The following TNFSF13B variants were observed in gnomAD, a reference collection of about 807,000 sequenced individuals.
TNFSF13B encodes the protein TNF superfamily member 13b, also known as tumor necrosis factor ligand superfamily member 13B.
A neutral mutation model predicts 29.1 loss-of-function variants in TNFSF13B; 8 were observed. The ratio of observed to expected loss-of-function variants is 0.27; its 90% CI spans 0.16 to 0.50. TNFSF13B has a LOEUF of 0.50. TNFSF13B is among the 20% of genes least tolerant of loss of function. TNFSF13B has a pLI of 0.98. For missense variants in TNFSF13B, 248 were observed against 334.9 expected (o/e 0.74, Z 2.03); for synonymous variants, 125 against 130.8 (o/e 0.96, Z 0.30).
intron 2 of TNFSF13B, 41 bp downstream of exon 2, chr13:108,270,465 G>C: frequency 6.4e-7 from 1 of 1,572,742 alleles, no homozygotes; most frequent in Non-Finnish European, 8.8e-7. Context: ...TCAGGGATTA[G>C]AGAATAACAT....
intron 2 of TNFSF13B, among the ~76,000 whole-genome samples, chr13:108,284,100 T>A (rs58030029): frequency 6.6e-6 from 1 of 151,968 alleles, no homozygotes; most frequent in Non-Finnish European, 1.5e-5. Context: ...GGAGGCGAGG[T>A]GGGCGGTTCA....
At chr13:108,282,612 G>A (rs1272517683) in intron 2 of TNFSF13B, among the ~76,000 whole-genome samples, 1 of 151,730 alleles carries the variant, frequency 6.6e-6, no homozygotes, top group African/African-American at 2.4e-5. Flanking sequence ...TTCTTATTTT[G>A]GTAATTTTAT....
At chr13:108,278,907 C>T (rs1880852780) in intron 2 of TNFSF13B, among the ~76,000 whole-genome samples, 1 of 152,118 alleles carries the variant, frequency 6.6e-6, no homozygotes, top group Non-Finnish European at 1.5e-5. Flanking sequence ...TGCACAACTA[C>T]TTACTTTAAA....
intron 2 of TNFSF13B, among the ~76,000 whole-genome samples, chr13:108,282,994 A>G (rs528163788): frequency 2.0e-5 from 3 of 152,344 alleles, no homozygotes; most frequent in African/African-American, 7.2e-5. Flanking sequence ...TGTTTCTTAT[A>G]TTAAACTACG....
intron 3 of TNFSF13B, among the ~76,000 whole-genome samples, chr13:108,292,813 A>G (rs367797456): frequency 6.6e-6 from 1 of 152,220 alleles, no homozygotes; most frequent in Non-Finnish European, 1.5e-5. Flanking sequence ...CTTATATATT[A>G]TGGATACAAG....
chr13:108,297,372 C>T lies in TNFSF13B; in HGVS notation c.482-5881C>T, dbSNP rs1881482986. Among the ~76,000 whole-genome samples, 2 of 145,408 alleles carry T rather than the reference C, an allele frequency of 1.4e-5. 1 individual carries two copies. The highest frequency in any genetic ancestry group is 3.1e-5 in the Non-Finnish European group (2 of 65,514). On this transcript the variant is annotated intron_variant, in intron 3 of 5. Transcript: ENST00000375887. ...GCCTCTCTTTCTGCTTTCAAGATCT[C>T]CTCCTTGTCATTATCTTTTAATAGC...
chr13:108,301,965 A>G (rs947398997), intron 3 of TNFSF13B, among the ~76,000 whole-genome samples: 2 of 152,214 alleles, frequency 1.3e-5, no homozygotes, highest in Admixed American at 6.5e-5. Flanking sequence ...GAAAAAGTTT[A>G]AATATGTTTG....
chr13:108,303,575 C>G lies in TNFSF13B; in HGVS notation c.716C>G (p.Thr239Arg), dbSNP rs1351879484. Residue 239 changes from threonine to arginine, a missense_variant, in exon 5 of 6, where the codon ACA becomes AGA. Physicochemically the swap from Thr to Arg is moderately conservative, Grantham distance 71 (BLOSUM62 -1). Around this residue, in one of 2 missense-constraint regions of TNFSF13B, gnomAD observed 62 missense variants for 138.6 expected, o/e 0.45. Coordinates refer to ENST00000375887, the MANE Select transcript of TNFSF13B (RefSeq NM_006573.5). ...CGATGTATTCAAAATATGCCTGAAA[C>G]ACTACCCAATAATTCCTGCTATTCA... ...LFRCIQNMPE[T>R]LPNNSCYSAG... The G allele has an allele frequency of 6.2e-7, 1 of 1,613,324 alleles. No individual in the cohort carries two copies.
chr13:108,295,542 A>C (rs1457436193), intron 3 of TNFSF13B, among the ~76,000 whole-genome samples: 2 of 143,728 alleles, frequency 1.4e-5, no homozygotes, highest in East Asian at 3.9e-4. Context: ...CTTCTTTATT[A>C]TATTATCTGA....
chr13:108,277,963 T>A (rs1047166529), intron 2 of TNFSF13B, among the ~76,000 whole-genome samples: 7 of 152,040 alleles, frequency 4.6e-5, no homozygotes, highest in African/African-American at 1.7e-4. Context: ...GCCCAGTAGG[T>A]CTCAGTTATT....
At chr13:108,291,763 A>T (rs1379439998) in intron 3 of TNFSF13B, among the ~76,000 whole-genome samples, 1 of 152,018 alleles carries the variant, frequency 6.6e-6, no homozygotes, top group African/African-American at 2.4e-5. Context: ...GGTGATATAA[A>T]TCAATTTACA....
At chr13:108,270,553 C>A in intron 2 of TNFSF13B, 129 bp downstream of exon 2, 2 of 906,236 alleles carry the variant, frequency 2.2e-6, no homozygotes, top group Non-Finnish European at 3.4e-6. Flanking sequence ...CCATCCAAAG[C>A]AGACATTGCT....
intron 2 of TNFSF13B, among the ~76,000 whole-genome samples, chr13:108,281,084 TA>T (rs1880940443): frequency 6.6e-6 from 1 of 152,148 alleles, no homozygotes; most frequent in South Asian, 2.1e-4. Context: ...CTGTCTCTAC[TA>T]AAAATACAAA....
chr13:108,292,695 T>C (rs1346198700), intron 3 of TNFSF13B, among the ~76,000 whole-genome samples: 2 of 152,176 alleles, frequency 1.3e-5, no homozygotes, highest in East Asian at 3.8e-4. Flanking sequence ...GTTGAGCATC[T>C]TTTCATGTCC....
intron 2 of TNFSF13B, among the ~76,000 whole-genome samples, chr13:108,282,577 A>G (rs1295774436): frequency 6.6e-6 from 1 of 152,228 alleles, no homozygotes; most frequent in African/African-American, 2.4e-5. Flanking sequence ...ATATTGATCA[A>G]TAGCAAATTA....
At chr13:108,305,551 T>A (rs1301202568) in intron 5 of TNFSF13B, among the ~76,000 whole-genome samples, 1 of 152,154 alleles carries the variant, frequency 6.6e-6, no homozygotes, top group South Asian at 2.1e-4. Context: ...TGTTAGGTCA[T>A]TTCCAATCTC....
At chr13:108,281,341 A>G (rs1880949004) in intron 2 of TNFSF13B, among the ~76,000 whole-genome samples, 1 of 151,974 alleles carries the variant, frequency 6.6e-6, no homozygotes, top group Non-Finnish European at 1.5e-5. Context: ...CCTTTCCAAC[A>G]CCCGCTTCCA....
At chr13:108,280,757 A>C (rs2139048325) in intron 2 of TNFSF13B, among the ~76,000 whole-genome samples, 1 of 152,258 alleles carries the variant, frequency 6.6e-6, no homozygotes, top group South Asian at 2.1e-4. Context: ...GGCAATACAA[A>C]AGGCTTGCAA....
intron 2 of TNFSF13B, among the ~76,000 whole-genome samples, chr13:108,273,447 TACAA>T (rs1007951910): frequency 1.3e-5 from 2 of 152,204 alleles, no homozygotes; most frequent in Admixed American, 6.5e-5. Flanking sequence ...AACATATGCA[TACAA>T]ACAGACTGTA....
Sources: allele counts gnomAD v4.1 joint callset (sites outside exome capture counted in the v4.1 genomes callset), GRCh38; gene constraint gnomAD v4.1.1; regional missense constraint gnomAD v4.1.1; transcripts MANE v1.5; gene names NCBI Gene and HGNC (gene_info 2026-07-23, HGNC 2026-07-21).